The following UBE2E2 variants were observed in gnomAD, a reference collection of about 807,000 sequenced individuals.
The protein encoded by UBE2E2 is ubiquitin-conjugating enzyme E2 E2.
Under a neutral mutation model 24.7 loss-of-function variants are expected in UBE2E2, and 6 were observed. That is an observed-to-expected ratio of 0.24 (90% CI 0.13 to 0.48). The LOEUF is 0.48. Among genes scored for constraint, UBE2E2 ranks in the 20% least tolerant of loss-of-function variants. The probability of loss-of-function intolerance (pLI) is 0.99; values close to 1 mark genes in which losing one functional copy is unlikely to be tolerated. For synonymous variants in UBE2E2, 104 were observed against 83.6 expected (o/e 1.24, Z -1.33); for missense variants, 169 against 245.0 (o/e 0.69, Z 2.07).
intron 3 of UBE2E2, among the ~76,000 whole-genome samples, chr3:23,380,279 G>C (rs1344619906): frequency 6.6e-6 from 1 of 152,126 alleles, no homozygotes; most frequent in Non-Finnish European, 1.5e-5. Context: ...GAGGGCAGTG[G>C]TGCAGTCCTA....
intron 3 of UBE2E2, among the ~76,000 whole-genome samples, chr3:23,275,028 T>G (rs1053723724): frequency 1.6e-4 from 25 of 152,354 alleles, no homozygotes; most frequent in Admixed American, 5.9e-4. Flanking sequence ...ATCAATGTCC[T>G]TATCAGGAAA....
At chr3:23,243,464 C>T (rs1359477110) in intron 3 of UBE2E2, among the ~76,000 whole-genome samples, 1 of 152,158 alleles carries the variant, frequency 6.6e-6, no homozygotes, top group Non-Finnish European at 1.5e-5. Flanking sequence ...TTATGGCCCG[C>T]TTCCCTTTCT....
chr3:23,232,803 C>T (rs554651231), intron 3 of UBE2E2, among the ~76,000 whole-genome samples: 2 of 152,272 alleles, frequency 1.3e-5, no homozygotes, highest in South Asian at 4.1e-4. Flanking sequence ...TCGTCCAATC[C>T]TACGAAAAGA....
At chr3:23,333,165 C>T (rs192590644) in intron 3 of UBE2E2, among the ~76,000 whole-genome samples, 10 of 152,212 alleles carry the variant, frequency 6.6e-5, no homozygotes, top group Admixed American at 6.5e-4. Context: ...TAGTGGTTTT[C>T]AAACTGTGTT....
chr3:23,453,255 A>C (rs1698604678), intron 3 of UBE2E2, among the ~76,000 whole-genome samples: 1 of 152,194 alleles, frequency 6.6e-6, no homozygotes, highest in African/African-American at 2.4e-5. Context: ...ACTTATTTAA[A>C]ATATTGAATT....
intron 3 of UBE2E2, among the ~76,000 whole-genome samples, chr3:23,398,487 G>C (rs1697134341): frequency 6.6e-6 from 1 of 152,106 alleles, no homozygotes; most frequent in African/African-American, 2.4e-5. Flanking sequence ...GATTTTAAGG[G>C]AAATATCATA....
intron 3 of UBE2E2, chr3:23,274,027 A>C (rs779094554): frequency 6.6e-6 from 1 of 152,242 alleles, no homozygotes; most frequent in African/African-American, 2.4e-5. Flanking sequence ...GGGAAAAAAA[A>C]TGCTGTTGAT....
At chr3:23,276,754 A>G (rs1304819546) in intron 3 of UBE2E2, among the ~76,000 whole-genome samples, 2 of 152,132 alleles carry the variant, frequency 1.3e-5, no homozygotes, top group Admixed American at 6.5e-5. Flanking sequence ...ATATTTCAGG[A>G]TACTATTTTA....
intron 3 of UBE2E2, among the ~76,000 whole-genome samples, chr3:23,238,173 A>G (rs572637174): frequency 1.3e-5 from 2 of 152,314 alleles, no homozygotes; most frequent in East Asian, 3.9e-4. Context: ...TGGAAAGCAT[A>G]TAGAAGGAAG....
At chr3:23,441,419 G>T (rs1177627703) in intron 3 of UBE2E2, among the ~76,000 whole-genome samples, 1 of 149,610 alleles carries the variant, frequency 6.7e-6, no homozygotes, top group Non-Finnish European at 1.5e-5. Context: ...GGCGCCTGTA[G>T]TCCCAGCTAC....
At position 23,228,861 on chromosome 3, in the gene UBE2E2, T is replaced by A. The variant is rs547645362; in HGVS notation, c.227+11549T>A. ...ATTTTCTACTTCAATACACAGCAGG[T>A]AGACTCTCTCCACACACTTTCGCCT... On this transcript the variant is annotated intron_variant, in intron 3 of 5. Coordinates refer to ENST00000396703, the MANE Select transcript of UBE2E2 (RefSeq NM_152653.4). 8.0e-4 allele frequency among the ~76,000 whole-genome samples: 122 copies of A among 152,314 alleles called. No individual in the cohort carries two copies. In the Middle Eastern group the frequency reaches 0.01, roughly 13 times the overall value.
At chr3:23,318,081 C>G (rs771849398) in intron 3 of UBE2E2, among the ~76,000 whole-genome samples, 7 of 151,962 alleles carry the variant, frequency 4.6e-5, no homozygotes, top group Non-Finnish European at 1.0e-4. Context: ...CTTTTTGATT[C>G]TAATGGATAA....
At chr3:23,568,418 C>T (rs1440104215) in intron 5 of UBE2E2, among the ~76,000 whole-genome samples, 1 of 151,716 alleles carries the variant, frequency 6.6e-6, no homozygotes, top group African/African-American at 2.4e-5. Context: ...AAACAAGTCT[C>T]ATTATATTAT....
intron 3 of UBE2E2, among the ~76,000 whole-genome samples, chr3:23,406,196 T>A (rs1418305479): frequency 6.6e-6 from 1 of 152,248 alleles, no homozygotes; most frequent in Non-Finnish European, 1.5e-5. Context: ...TTTGTAAAGA[T>A]TTGTTAATGG....
chr3:23,410,864 G>A (rs1477637705), intron 3 of UBE2E2, among the ~76,000 whole-genome samples: 2 of 152,038 alleles, frequency 1.3e-5, no homozygotes, highest in Non-Finnish European at 2.9e-5. Context: ...ATAGCAAATG[G>A]GCATGGGAGA....
intron 3 of UBE2E2, among the ~76,000 whole-genome samples, chr3:23,487,149 G>A (rs968613147): frequency 6.6e-6 from 1 of 152,124 alleles, no homozygotes; most frequent in Admixed American, 6.5e-5. Context: ...CAGGGGGCTG[G>A]CATGACAGCA....
chr3:23,455,534 A>G (rs1179888268), intron 3 of UBE2E2, among the ~76,000 whole-genome samples: 1 of 152,068 alleles, frequency 6.6e-6, no homozygotes, highest in African/African-American at 2.4e-5. Flanking sequence ...CCTGGTCAAC[A>G]TAATGAGACC....
chr3:23,277,823 A>G (rs1698404312), intron 3 of UBE2E2, among the ~76,000 whole-genome samples: 2 of 152,066 alleles, frequency 1.3e-5, no homozygotes, highest in African/African-American at 4.8e-5. Context: ...TGTGCTGAGA[A>G]TCCCTATTGA....
At chr3:23,416,637 G>A (rs1234877422) in intron 3 of UBE2E2, among the ~76,000 whole-genome samples, 1 of 152,064 alleles carries the variant, frequency 6.6e-6, no homozygotes, top group African/African-American at 2.4e-5. Flanking sequence ...ATAATATCCT[G>A]CAGTGTTTTC....
Sources: gnomAD v4.1 joint callset for allele counts (sites outside exome capture counted in the v4.1 genomes callset) on GRCh38, gnomAD v4.1.1 for gene constraint, MANE v1.5 for transcripts, NCBI Gene and HGNC (gene_info 2026-07-23, HGNC 2026-07-21) for gene names.